Variants in EPN2 observed in about 807,000 individuals in gnomAD.
EPN2 encodes epsin 2, also known as epsin-2.
EPN2 carries 34 observed loss-of-function variants against 61.7 expected under a neutral mutation model. The observed-to-expected ratio is 0.55, with a 90% CI of 0.42 to 0.73. The LOEUF is 0.73. EPN2 is among the 30% of genes least tolerant of loss of function. EPN2 has a pLI of 0.00. For synonymous variants in EPN2, 349 were observed against 353.6 expected (o/e 0.99, Z 0.15); for missense variants, 714 against 839.2 (o/e 0.85, Z 1.84).
chr17:19,318,748 G>A (rs1906507199), intron 7 of EPN2, among the ~76,000 whole-genome samples: 1 of 151,934 alleles, frequency 6.6e-6, no homozygotes, highest in African/African-American at 2.4e-5. Context: ...ATAGTTTCAG[G>A]TGGCATTCCA....
At chr17:19,313,596 A>C (rs1906249145) in intron 7 of EPN2, 4 of 326,124 alleles carry the variant, frequency 1.2e-5, no homozygotes, top group South Asian at 1.2e-4. Flanking sequence ...TCAGCGTTAC[A>C]CCCAGCGTCC....
At chr17:19,257,459 G>A (rs1411103522) in intron 1 of EPN2, among the ~76,000 whole-genome samples, 2 of 151,800 alleles carry the variant, frequency 1.3e-5, no homozygotes, top group African/African-American at 2.4e-5. Context: ...GGACCTATAC[G>A]TCAAGTCCTA....
chr17:19,265,378 GAAAA>G (rs571952205), intron 1 of EPN2, among the ~76,000 whole-genome samples: 1 of 137,878 alleles, frequency 7.3e-6, no homozygotes, highest in Non-Finnish European at 1.6e-5. Flanking sequence ...CCTTTCTCAG[GAAAA>G]AAAAAAAAAA....
intron 1 of EPN2, among the ~76,000 whole-genome samples, chr17:19,261,364 T>C (rs2045140072): frequency 6.6e-6 from 1 of 152,132 alleles, no homozygotes; most frequent in Non-Finnish European, 1.5e-5. Context: ...TGTTGTCATA[T>C]GTTTAAGGAC....
chr17:19,268,135 TC>T (rs946743633), intron 1 of EPN2, among the ~76,000 whole-genome samples: 5 of 152,152 alleles, frequency 3.3e-5, no homozygotes, highest in Non-Finnish European at 5.9e-5. Context: ...CAGGCACTCA[TC>T]CCTCTCATTC....
At chr17:19,304,223 G>A (rs1220974395) in intron 4 of EPN2, among the ~76,000 whole-genome samples, 1 of 152,214 alleles carries the variant, frequency 6.6e-6, no homozygotes, top group Admixed American at 6.5e-5. Context: ...AAGGGCCTTG[G>A]AGGCTCTCCT....
chr17:19,285,696 C>T lies in EPN2; in HGVS notation c.672C>T (p.Ser224=). Residue 224 remains serine (S), a synonymous_variant, in exon 4 of 11, where the codon AGC becomes AGT. Coordinates refer to ENST00000314728, the MANE Select transcript of EPN2 (RefSeq NM_014964.5). This position sits in a 1 kb window ranked among gnomAD's most constrained non-coding sequence, Gnocchi z 4.5. ...AGAGTGAGGAGCTGCAGCCACTGAG[C>T]CAGCGCCACCCCTTCCTGCCGCACC... is the stretch of plus-strand genomic sequence containing the variant. ...LGQSEELQPL[S]QRHPFLPHLG... 1 of 1,592,056 alleles carries T rather than the reference C, an allele frequency of 6.3e-7. No homozygotes were observed. The highest frequency in any genetic ancestry group is 8.5e-7 in the Non-Finnish European group (1 of 1,170,496).
At chr17:19,317,935 C>A (rs1249482504) in intron 7 of EPN2, among the ~76,000 whole-genome samples, 1 of 152,174 alleles carries the variant, frequency 6.6e-6, no homozygotes, top group Non-Finnish European at 1.5e-5. Flanking sequence ...AGCAAGGTGC[C>A]ACAGTGTGTG....
intron 1 of EPN2, among the ~76,000 whole-genome samples, chr17:19,241,790 C>T (rs150550024): frequency 1.3e-5 from 2 of 151,986 alleles, no homozygotes; most frequent in African/African-American, 4.8e-5. Context: ...GGATTATCAC[C>T]CATTTGTGAG....
rs1244548450 is a variant in EPN2, at chr17:19,335,397, T to A, written c.*1143T>A. The A allele has an allele frequency of 1.9e-6, 3 of 1,548,184 alleles. No individual in the cohort carries two copies. The highest frequency in any genetic ancestry group is 1.4e-5 in the African/African-American group (1 of 72,988). On this transcript the variant is annotated 3_prime_UTR_variant, in exon 11 of 11. Transcript: ENST00000314728. ...TTTTTATCAACTAATTCCTTTTTTT[T>A]ATTAAAGGCATGCAGGGATTAACAG...
At chr17:19,321,059 G>T (rs1232472912) in intron 7 of EPN2, among the ~76,000 whole-genome samples, 1 of 152,220 alleles carries the variant, frequency 6.6e-6, no homozygotes, top group East Asian at 1.9e-4. Context: ...CACACAAGCG[G>T]CATGAGTGCC....
intron 1 of EPN2, among the ~76,000 whole-genome samples, chr17:19,240,681 G>A (rs540552412): frequency 1.3e-5 from 2 of 152,274 alleles, no homozygotes; most frequent in South Asian, 2.1e-4. Context: ...CGTCTAGCTC[G>A]TCCGATGTTT....
At chr17:19,242,410 A>G (rs746933988) in intron 1 of EPN2, among the ~76,000 whole-genome samples, 6 of 152,342 alleles carry the variant, frequency 3.9e-5, no homozygotes, top group Non-Finnish European at 5.9e-5. Flanking sequence ...GTGACAGAGC[A>G]AGACTCTTGT....
rs1434726758 is a variant in EPN2 at position 19,328,856 on chromosome 17, A to G, written c.1293A>G (p.Ala431=). Residue 431 remains alanine (A), a synonymous_variant, in exon 8 of 11, where the codon GCA becomes GCG. Coordinates refer to ENST00000314728, the MANE Select transcript of EPN2 (RefSeq NM_014964.5). ...AAAGAGCTTCTGACGCGTGGGGCGCAGTCTCCACCACCAAGCCCGTGTCTG... is the reference window on the plus strand; with the variant it reads ...AAAGAGCTTCTGACGCGTGGGGCGCGGTCTCCACCACCAAGCCCGTGTCTG... The part of the protein sequence containing the change: ...AGKRASDAWG[A]VSTTKPVSVS... The G allele has an allele frequency of 2.5e-6, 4 of 1,612,946 alleles. No homozygotes were observed. The South Asian group carries it at 4.4e-5, about 18-fold the overall frequency.
chr17:19,295,770 GCCACACCTCTC>G lies in EPN2; in HGVS notation c.766+9992_766+10002del, dbSNP rs1206523036. ...TCTCCCAAAATGTCCCAAATCCTGG[GCCACACCTCTC>G]CCACACCTCTCAAATTAGAATCTCT... On this transcript the variant is annotated intron_variant, in intron 4 of 10. Coordinates refer to ENST00000314728, the MANE Select transcript of EPN2 (RefSeq NM_014964.5). 4.6e-5 allele frequency among the ~76,000 whole-genome samples: 7 copies of G among 152,000 alleles called. No homozygotes were observed. In the South Asian group the frequency reaches 6.2e-4, roughly 13 times the overall value.
At chr17:19,263,977 T>C (rs766703189) in intron 1 of EPN2, among the ~76,000 whole-genome samples, 1 of 152,190 alleles carries the variant, frequency 6.6e-6, no homozygotes, top group East Asian at 1.9e-4. Context: ...CAGTTCTTCC[T>C]TGGCCTCTCG....
At chr17:19,281,133 G>A (rs1427804817) in intron 1 of EPN2, among the ~76,000 whole-genome samples, 5 of 152,290 alleles carry the variant, frequency 3.3e-5, no homozygotes, top group African/African-American at 1.2e-4. Flanking sequence ...TCCTGAGCCT[G>A]TCCTTATGTC....
At chr17:19,331,520 A>G (rs935860594) in intron 9 of EPN2, among the ~76,000 whole-genome samples, 4 of 152,090 alleles carry the variant, frequency 2.6e-5, no homozygotes, top group Non-Finnish European at 2.9e-5. Flanking sequence ...AATGTAAGAA[A>G]AAAAAAAAAA....
intron 4 of EPN2, among the ~76,000 whole-genome samples, chr17:19,304,348 C>G (rs1286412199): frequency 1.3e-5 from 2 of 152,286 alleles, no homozygotes; most frequent in African/African-American, 4.8e-5. Context: ...CACTGCTGTT[C>G]AGTAACAAGG....
Sources: gnomAD v4.1 joint callset for allele counts (sites outside exome capture counted in the v4.1 genomes callset) on GRCh38, gnomAD v4.1.1 for gene constraint, Gnocchi (gnomAD v3.1) non-coding constraint, MANE v1.5 for transcripts, NCBI Gene and HGNC (gene_info 2026-07-23, HGNC 2026-07-21) for gene names.